CNBD1: variants seen among roughly 807,000 people sequenced by gnomAD.
CNBD1 encodes cyclic nucleotide binding domain containing 1.
A neutral mutation model predicts 54.4 loss-of-function variants in CNBD1; 71 were observed. That is an observed-to-expected ratio of 1.30 (90% CI 1.08 to 1.59). The LOEUF (loss-of-function observed/expected upper bound fraction) is 1.59. Among genes scored for constraint, CNBD1 ranks in the 40% most tolerant of loss-of-function variants. The probability of loss-of-function intolerance (pLI) is 0.00; values close to 1 mark genes in which losing one functional copy is unlikely to be tolerated. For synonymous variants in CNBD1, 182 were observed against 170.7 expected, an observed-to-expected ratio of 1.07 and a Z score of -0.51; for missense variants, 659 against 518.0, an observed-to-expected ratio of 1.27 and a Z score of -2.64.
At chr8:87,134,904 C>T (rs1335748495) in intron 4 of CNBD1, among the ~76,000 whole-genome samples, 1 of 152,062 alleles carries the variant, frequency 6.6e-6, no homozygotes, top group African/African-American at 2.4e-5. Flanking sequence ...CCACCACGCC[C>T]AGCCAGATTC....
chr8:87,418,960 A>G (rs1807880868), intron 2 of CNBD1, among the ~76,000 whole-genome samples: 1 of 152,028 alleles, frequency 6.6e-6, no homozygotes, highest in Non-Finnish European at 1.5e-5. Flanking sequence ...TGTATACACT[A>G]AAGAGAATTG....
At chr8:87,006,602 G>T (rs1809102821) in intron 4 of CNBD1, among the ~76,000 whole-genome samples, 1 of 152,042 alleles carries the variant, frequency 6.6e-6, no homozygotes. Flanking sequence ...AGAGTAGGGG[G>T]TAAGAGAGGT....
intron 4 of CNBD1, among the ~76,000 whole-genome samples, chr8:87,185,374 T>C (rs1813451967): frequency 6.6e-6 from 1 of 152,208 alleles, no homozygotes; most frequent in African/African-American, 2.4e-5. Flanking sequence ...AATTTTTTAT[T>C]GGGTGCCAGT....
At chr8:87,391,328 C>G (rs976086603) in intron 2 of CNBD1, among the ~76,000 whole-genome samples, 3 of 152,008 alleles carry the variant, frequency 2.0e-5, no homozygotes, top group Non-Finnish European at 2.9e-5. Context: ...CCTATCAAAA[C>G]CCCAGCTTGA....
At chr8:87,384,447 A>T (rs146180694), downstream of CNBD1, among the ~76,000 whole-genome samples, 593 of 152,266 alleles carry the variant, frequency 3.9e-3, 7 homozygotes, top group African/African-American at 0.014. Flanking sequence ...GCTCTGAAGA[A>T]AAAGCAGATC....
chr8:87,230,460 GCA>G (rs1196486144), intron 5 of CNBD1, among the ~76,000 whole-genome samples: 1 of 152,042 alleles, frequency 6.6e-6, no homozygotes, highest in African/African-American at 2.4e-5. Context: ...TGCACGTACA[GCA>G]CACACACAGA....
chr8:87,015,977 CAAAAAAAAA>C (rs58453987), intron 4 of CNBD1, among the ~76,000 whole-genome samples: 2 of 55,956 alleles, frequency 3.6e-5, no homozygotes, highest in African/African-American at 1.4e-4. Context: ...GAATCCGTCT[CAAAAAAAAA>C]AAAAAAAAAA....
At chr8:86,957,098 G>A (rs1807795888) in intron 4 of CNBD1, among the ~76,000 whole-genome samples, 1 of 152,132 alleles carries the variant, frequency 6.6e-6, no homozygotes, top group African/African-American at 2.4e-5. Context: ...CGTGTGTTTT[G>A]TCTTTGGTTC....
chr8:86,920,528 T>C (rs1312859982), intron 3 of CNBD1, among the ~76,000 whole-genome samples: 1 of 152,194 alleles, frequency 6.6e-6, no homozygotes, highest in South Asian at 2.1e-4. Context: ...CAAAAGAATT[T>C]TGGCAATGTG....
intron 8 of CNBD1, among the ~76,000 whole-genome samples, chr8:87,312,590 T>C (rs1007239314): frequency 6.6e-5 from 10 of 152,062 alleles, no homozygotes; most frequent in African/African-American, 1.7e-4. Flanking sequence ...ACAGCATTCT[T>C]ATTTCCTATT....
chr8:87,125,317 A>G lies in CNBD1; in HGVS notation c.432-80676A>G, dbSNP rs575813954. 1.2e-4 allele frequency among the ~76,000 whole-genome samples: 18 copies of G among 151,890 alleles called. 1 individual carries two copies. The South Asian group carries it at 3.7e-3, about 31-fold the overall frequency. The stretch of plus-strand genomic sequence containing the variant: ...AAATTTGTATGGAAACACCACAAAT[A>G]CCCAAAACAATCTTGAGCAAAAAGA... On this transcript the variant is annotated intron_variant, in intron 4 of 10. Transcript: ENST00000518476.
At chr8:87,195,083 C>T (rs1813688707) in intron 4 of CNBD1, among the ~76,000 whole-genome samples, 1 of 151,978 alleles carries the variant, frequency 6.6e-6, no homozygotes, top group African/African-American at 2.4e-5. Flanking sequence ...CAGGGTTTCA[C>T]CACGTTGGCT....
chr8:87,170,112 G>C (rs1813054683), intron 4 of CNBD1, among the ~76,000 whole-genome samples: 2 of 151,980 alleles, frequency 1.3e-5, no homozygotes, highest in Admixed American at 1.3e-4. Context: ...TTTCATTGTA[G>C]AGAACTTTCA....
downstream of CNBD1, among the ~76,000 whole-genome samples, chr8:87,386,306 A>G (rs1205065612): frequency 3.3e-5 from 5 of 152,174 alleles, no homozygotes; most frequent in African/African-American, 7.2e-5. Flanking sequence ...CAGACGATCA[A>G]ACTACTCCGA....
rs542335227 is a variant in CNBD1 at position 87,347,741 on chromosome 8, G to A, written c.1043-3944G>A. ...TCTCTTCTTCCTTGATCTGTAGATG[G>A]CTCCATAGACATAGCATTTGTCTTA... On this transcript the variant is annotated intron_variant, in intron 8 of 10. Transcript: ENST00000518476. 3.9e-5 allele frequency among the ~76,000 whole-genome samples: 6 copies of A among 152,206 alleles called. No individual in the cohort carries two copies. The South Asian group carries it at 1.2e-3, about 32-fold the overall frequency.
intron 8 of CNBD1, among the ~76,000 whole-genome samples, chr8:87,334,633 A>G (rs568605020): frequency 1.3e-3 from 190 of 151,440 alleles, no homozygotes; most frequent in South Asian, 3.7e-3. Context: ...TTATTTACCC[A>G]GTAGTCATTC....
intron 1 of CNBD1, among the ~76,000 whole-genome samples, chr8:86,872,335 C>A (rs1335753661): frequency 4.6e-5 from 7 of 152,070 alleles, no homozygotes; most frequent in African/African-American, 1.2e-4. Context: ...ACTCTCCTGG[C>A]TTTTCCAGTA....
intron 6 of CNBD1, among the ~76,000 whole-genome samples, chr8:87,254,724 G>A (rs1000781525): frequency 6.6e-6 from 1 of 152,208 alleles, no homozygotes; most frequent in East Asian, 1.9e-4. Flanking sequence ...AATATGTGAA[G>A]TGCAATAGCA....
intron 6 of CNBD1, among the ~76,000 whole-genome samples, chr8:87,262,870 G>A (rs1279989124): frequency 6.6e-6 from 1 of 152,030 alleles, no homozygotes; most frequent in Non-Finnish European, 1.5e-5. Context: ...GTGTTCATTT[G>A]GCAATTAATA....
Sources: gnomAD v4.1 joint callset for allele counts (sites outside exome capture counted in the v4.1 genomes callset) on GRCh38, gnomAD v4.1.1 for gene constraint, MANE v1.5 for transcripts, NCBI Gene and HGNC (gene_info 2026-07-23, HGNC 2026-07-21) for gene names.